Variants in PASD1 observed in about 807,000 individuals in gnomAD.
The protein encoded by PASD1 is PAS domain containing repressor 1, also known as circadian clock protein PASD1.
Under a neutral mutation model 58.8 loss-of-function variants are expected in PASD1, and 13 were observed. The ratio of observed to expected loss-of-function variants is 0.22; its 90% CI spans 0.14 to 0.35. PASD1 has a LOEUF of 0.35. PASD1 is among the 10% of genes least tolerant of loss of function. PASD1 has a pLI of 1.00. For synonymous variants in PASD1, 236 were observed against 216.7 expected, an observed-to-expected ratio of 1.09 and a Z score of -0.78; for missense variants, 734 against 568.3, an observed-to-expected ratio of 1.29 and a Z score of -2.96.
intron 4 of PASD1, among the ~76,000 whole-genome samples, chrX:151,616,500 GAC>G (rs2013638754): frequency 3.4e-5 from 1 of 29,408 alleles, no homozygotes; most frequent in African/African-American, 6.5e-5. Flanking sequence ...TGATTTCATT[GAC>G]AGTTTTTTTT....
At chrX:151,666,272 G>A (rs2014379187) in intron 11 of PASD1, among the ~76,000 whole-genome samples, 1 of 110,003 alleles carries the variant, frequency 9.1e-6, no homozygotes, top group Non-Finnish European at 1.9e-5. Context: ...AATAGCAATT[G>A]TTCCCAGGCC....
rs1466870952 is a variant in PASD1 at position 151,668,524 on chromosome X, A to T, written c.1072-2514A>T. Among the ~76,000 whole-genome samples the T allele has an allele frequency of 2.3e-4, 26 of 110,921 alleles. No individual in the cohort carries two copies. The East Asian group carries it at 6.2e-3, about 27-fold the overall frequency. ...GACGCAATAAAAAATGATAAAGGGGATATCACCGCCAATCCCACAGAAATA... is the reference window on the plus strand; with the variant it reads ...GACGCAATAAAAAATGATAAAGGGGTTATCACCGCCAATCCCACAGAAATA... On this transcript the variant is annotated intron_variant, in intron 11 of 15. Coordinates refer to ENST00000370357, the MANE Select transcript of PASD1 (RefSeq NM_173493.3).
At chrX:151,654,846 GTTTTTC>G (rs998154495) in intron 9 of PASD1, among the ~76,000 whole-genome samples, 1 of 110,491 alleles carries the variant, frequency 9.1e-6, no homozygotes, top group Non-Finnish European at 1.9e-5. Context: ...TTTGATTTTT[GTTTTTC>G]TTTTTATTAT....
intron 6 of PASD1, among the ~76,000 whole-genome samples, 162 bp from the exon 7 acceptor site, chrX:151,622,775 G>A (rs747264704): frequency 9.0e-6 from 1 of 111,664 alleles, no homozygotes; most frequent in Non-Finnish European, 1.9e-5. Flanking sequence ...TGTTTTGATG[G>A]GGAGGGTGGC....
rs374028568 is a variant in PASD1, at chrX:151,572,104, T to C, written c.-28+8265T>C. ...AGAATCCAGCCTGACCTGACGACTT[T>C]GATTTTCTCATTTGATTTTTCTTAA... On this transcript the variant is annotated intron_variant, in intron 1 of 15. Coordinates refer to ENST00000370357, the MANE Select transcript of PASD1 (RefSeq NM_173493.3). 4.8e-4 allele frequency among the ~76,000 whole-genome samples: 54 copies of C among 111,847 alleles called. 1 individual carries two copies. In the South Asian group the frequency reaches 0.018, roughly 36 times the overall value.
Position 151,623,053 on chromosome X carries a change from C to G in PASD1, c.535C>G (p.Gln179Glu). 1.7e-6 allele frequency: 2 copies of G among 1,209,817 alleles called. No homozygotes were observed. Among genetic ancestry groups the G allele is most frequent in the Non-Finnish European group, 2.2e-6 (2 of 894,416 alleles). ...GGGAAATGTTTGCATTCTCAGGACT[C>G]AGCTCCTGCAGGTGGGTATACTGTG... ...LVGNVCILRT[Q>E]LLQQLYTSKA... is the part of the protein sequence containing the mutation. Residue 179 changes from glutamine to glutamate, a missense_variant, in exon 7 of 16, where the codon CAG becomes GAG. By Grantham distance (29) the Gln-to-Glu change is conservative (BLOSUM62 2). Transcript: ENST00000370357.
intron 7 of PASD1, among the ~76,000 whole-genome samples, chrX:151,623,572 A>G (rs1466831906): frequency 8.9e-6 from 1 of 111,977 alleles, no homozygotes; most frequent in East Asian, 2.8e-4. Flanking sequence ...ATTCAGTAAC[A>G]TATATAGTAA....
At chrX:151,674,688 C>T (rs1172530559) in intron 15 of PASD1, among the ~76,000 whole-genome samples, 3 of 112,773 alleles carry the variant, frequency 2.7e-5, no homozygotes, top group Non-Finnish European at 5.6e-5. Context: ...GGCCATGTTT[C>T]CAGGATGGAA....
intron 1 of PASD1, chrX:151,578,294 G>A (rs1447784744): frequency 8.9e-6 from 1 of 112,037 alleles, no homozygotes; most frequent in African/African-American, 3.2e-5. Flanking sequence ...ACATCTTTTG[G>A]TATTCGTGTT....
At chrX:151,659,973 T>C (rs1171329599) in intron 10 of PASD1, 137 bp downstream of exon 10, 2 of 540,019 alleles carry the variant, frequency 3.7e-6, no homozygotes, top group East Asian at 4.0e-5. Flanking sequence ...TTCTTCATCT[T>C]CTGTAAATAT....
chrX:151,567,661 A>C (rs2012866800), intron 1 of PASD1, among the ~76,000 whole-genome samples: 1 of 111,787 alleles, frequency 8.9e-6, no homozygotes, highest in Admixed American at 9.5e-5. Context: ...ATTTTCAAGG[A>C]GGTACTCCCC....
chrX:151,581,934 C>T (rs2013100760), intron 1 of PASD1, among the ~76,000 whole-genome samples: 1 of 106,592 alleles, frequency 9.4e-6, no homozygotes, highest in Non-Finnish European at 1.9e-5. Flanking sequence ...AGGAGGTGTT[C>T]AGGGGCAATA....
At chrX:151,584,455 A>G (rs373436159) in intron 1 of PASD1, among the ~76,000 whole-genome samples, 4 of 112,030 alleles carry the variant, frequency 3.6e-5, no homozygotes, top group Non-Finnish European at 7.5e-5. Context: ...TAATGTGTAC[A>G]TTTGAGTAGC....
chrX:151,667,680 A>G (rs776242906), intron 11 of PASD1, among the ~76,000 whole-genome samples: 2 of 111,904 alleles, frequency 1.8e-5, no homozygotes, highest in East Asian at 2.8e-4. Context: ...TGTCAAAGAT[A>G]AGATGGTTGT....
intron 1 of PASD1, among the ~76,000 whole-genome samples, chrX:151,581,292 A>G (rs2013090009): frequency 9.4e-6 from 1 of 106,583 alleles, no homozygotes; most frequent in South Asian, 4.4e-4. Context: ...ATGAAAATTT[A>G]TTTAAAAATG....
At chrX:151,612,097 C>T (rs1399825930) in intron 4 of PASD1, among the ~76,000 whole-genome samples, 10 of 98,993 alleles carry the variant, frequency 1.0e-4, no homozygotes, top group African/African-American at 3.7e-4. Context: ...CCATAGTTTG[C>T]TGAGAATGAT....
At chrX:151,592,677 G>A (rs2013266211) in intron 1 of PASD1, among the ~76,000 whole-genome samples, 1 of 111,478 alleles carries the variant, frequency 9.0e-6, no homozygotes, top group African/African-American at 3.3e-5. Flanking sequence ...AAATATTTGA[G>A]GGGTTTCCAG....
At chrX:151,655,856 G>T (rs1030622500) in intron 9 of PASD1, among the ~76,000 whole-genome samples, 41 of 111,833 alleles carry the variant, frequency 3.7e-4, no homozygotes, top group African/African-American at 5.8e-4. Flanking sequence ...CTCTTTAGTT[G>T]AATTAGATCC....
intron 1 of PASD1, among the ~76,000 whole-genome samples, chrX:151,598,443 C>T (rs1422716385): frequency 9.0e-6 from 1 of 111,424 alleles, no homozygotes; most frequent in East Asian, 2.8e-4. Flanking sequence ...GATTGGGTCA[C>T]ATTTTCCATT....
Sources: allele counts gnomAD v4.1 joint callset (sites outside exome capture counted in the v4.1 genomes callset), GRCh38; gene constraint gnomAD v4.1.1; transcripts MANE v1.5; gene names NCBI Gene and HGNC (gene_info 2026-07-23, HGNC 2026-07-21).